APBB2: variants seen among roughly 807,000 people sequenced by gnomAD.
The protein encoded by APBB2 is amyloid beta precursor protein binding family B member 2.
A neutral mutation model predicts 82.5 loss-of-function variants in APBB2; 38 were observed. The observed-to-expected ratio is 0.46, with a 90% CI of 0.36 to 0.60. The LOEUF is 0.60. Among genes scored for constraint, APBB2 ranks in the 20% least tolerant of loss-of-function variants. The probability of loss-of-function intolerance (pLI) is 0.00; values close to 1 mark genes in which losing one functional copy is unlikely to be tolerated. For missense variants in APBB2, 772 were observed against 972.3 expected (o/e 0.79, Z 2.74); for synonymous variants, 341 against 368.2 (o/e 0.93, Z 0.85).
At chr4:40,967,113 C>T (rs984268341) in intron 6 of APBB2, among the ~76,000 whole-genome samples, 32 of 152,126 alleles carry the variant, frequency 2.1e-4, no homozygotes, top group Non-Finnish European at 4.6e-4. Context: ...GGCGCTAACC[C>T]AGTGGGTTTC....
Position 40,823,664 on chromosome 4 carries a change from C to G in APBB2, c.1912G>C (p.Val638Leu), listed in dbSNP as rs1437661276. The G allele has an allele frequency of 6.2e-7, 1 of 1,612,598 alleles. No homozygotes were observed. The highest frequency in any genetic ancestry group is 8.5e-7 in the Non-Finnish European group (1 of 1,178,676). Residue 638 changes from valine (V) to leucine (L), a missense_variant, in exon 16 of 18, where the codon GTG becomes CTG. Transcript: ENST00000508593. ...CTCACCTTTTCACTGATGACAGTCACAGTGGCATCAGCCACGTTCATGTTC... is the reference window on the plus strand; with the variant it reads ...CTCACCTTTTCACTGATGACAGTCAGAGTGGCATCAGCCACGTTCATGTTC... ...SVNMNVADAT[V>L]TVISEKNEEE...
chr4:41,131,105 G>T (rs1755847934), intron 2 of APBB2, among the ~76,000 whole-genome samples: 1 of 152,108 alleles, frequency 6.6e-6, no homozygotes, highest in Admixed American at 6.6e-5. Context: ...AAAGTATGGG[G>T]GCATTCACAA....
At position 40,965,990 on chromosome 4, in the gene APBB2, A is replaced by G. The variant is rs889877569; in HGVS notation, c.836-20917T>C. The stretch of plus-strand genomic sequence containing the variant: ...CTCTAGAATTAATGCTGTTCTTTAG[A>G]AATTCAAGTCCAATCCTTGAAACTA... On this transcript the variant is annotated intron_variant, in intron 6 of 17. Transcript: ENST00000508593. 9.2e-5 allele frequency among the ~76,000 whole-genome samples: 14 copies of G among 152,362 alleles called. No homozygotes were observed. The East Asian group carries it at 2.5e-3, about 27-fold the overall frequency.
At chr4:41,181,237 G>C (rs1344073468) in intron 1 of APBB2, among the ~76,000 whole-genome samples, 4 of 152,144 alleles carry the variant, frequency 2.6e-5, no homozygotes, top group African/African-American at 4.8e-5. Flanking sequence ...TGGGGAGTTG[G>C]GGAAGTTGCC....
At chr4:41,198,697 C>G in intron 1 of APBB2, among the ~76,000 whole-genome samples, 2 of 152,114 alleles carry the variant, frequency 1.3e-5, no homozygotes, top group African/African-American at 4.8e-5. Context: ...CTTAAAACAA[C>G]CAAAATTTAT....
chr4:40,864,871 T>G (rs1763679340), intron 12 of APBB2, among the ~76,000 whole-genome samples: 1 of 148,636 alleles, frequency 6.7e-6, no homozygotes. Flanking sequence ...TTTTTTTTTT[T>G]TTTTAGAGAC....
chr4:41,139,861 T>A (rs148417809), intron 2 of APBB2, among the ~76,000 whole-genome samples: 3 of 152,156 alleles, frequency 2.0e-5, no homozygotes, highest in Admixed American at 2.0e-4. Flanking sequence ...TGAAAGCTCA[T>A]AGAACATACA....
At chr4:40,847,383 A>G (rs944477740) in intron 12 of APBB2, among the ~76,000 whole-genome samples, 6 of 152,166 alleles carry the variant, frequency 3.9e-5, no homozygotes, top group Admixed American at 3.9e-4. Flanking sequence ...AATCACTGCA[A>G]CCCGGGAGGT....
At chr4:40,935,242 T>C in intron 7 of APBB2, 103 bp from the exon 8 acceptor site, 1 of 845,512 alleles carries the variant, frequency 1.2e-6, no homozygotes, top group Non-Finnish European at 1.8e-6. Flanking sequence ...AGCATTGATA[T>C]TCACAAGATG....
intron 6 of APBB2, among the ~76,000 whole-genome samples, chr4:40,991,678 C>G (rs1296076263): frequency 6.6e-6 from 1 of 152,116 alleles, no homozygotes; most frequent in South Asian, 2.1e-4. Flanking sequence ...ACACCCTAGA[C>G]TTTTCACCCC....
At chr4:40,993,105 G>A (rs961890652) in intron 6 of APBB2, among the ~76,000 whole-genome samples, 1 of 152,198 alleles carries the variant, frequency 6.6e-6, no homozygotes, top group Middle Eastern at 3.4e-3. Flanking sequence ...CACATGTCTT[G>A]TTTCAGTTAA....
At chr4:41,097,111 G>A (rs1315379963) in intron 3 of APBB2, among the ~76,000 whole-genome samples, 1 of 152,176 alleles carries the variant, frequency 6.6e-6, no homozygotes, top group Non-Finnish European at 1.5e-5. Flanking sequence ...GCTATTTGGA[G>A]TTTCTTTGGA....
rs1784932998 is a variant in APBB2 at position 40,934,512 on chromosome 4, C to G, written c.1198G>C (p.Ala400Pro). The G allele has an allele frequency of 1.9e-6, 3 of 1,614,110 alleles. No homozygotes were observed. The highest frequency in any genetic ancestry group is 2.7e-5 in the African/African-American group (2 of 75,032). The change falls in exon 10 of 18, where the codon GCC becomes CCC. Residue 400 changes from alanine (A) to proline (P), a missense_variant. Transcript: ENST00000508593. ...GAATCATCATCATCAGGGTGTGGGG[C>G]ATTTCTAGGCAGAAAAACAGAAAAG... ...LRYASLKLRN[A>P]PHPDDDDSCS...
At chr4:41,073,418 C>T (rs1444431863) in intron 3 of APBB2, among the ~76,000 whole-genome samples, 2 of 152,148 alleles carry the variant, frequency 1.3e-5, no homozygotes, top group Admixed American at 6.5e-5. Flanking sequence ...TGTGATTTAG[C>T]AGTTTACAAG....
intron 2 of APBB2, among the ~76,000 whole-genome samples, chr4:41,123,071 C>T (rs935752865): frequency 1.3e-5 from 2 of 152,156 alleles, no homozygotes; most frequent in African/African-American, 4.8e-5. Flanking sequence ...TGGCCCAGCA[C>T]CACATCTCCA....
rs116412306 is a variant in APBB2, at chr4:40,993,177, G to A, written c.835+20406C>T. On this transcript the variant is annotated intron_variant, in intron 6 of 17. Coordinates refer to ENST00000508593, the MANE Select transcript of APBB2 (RefSeq NM_004307.2). Reference sequence around the variant, plus strand: ...AACCCTATTTGACAGAGGAGGAAACGTATGGTGTTAAGTGACTCAGCCACA... The same window carrying A: ...AACCCTATTTGACAGAGGAGGAAACATATGGTGTTAAGTGACTCAGCCACA... Among the ~76,000 whole-genome samples the A allele has an allele frequency of 8.3e-3, 1,256 of 152,224 alleles. 22 individuals carry two copies. The highest frequency in any genetic ancestry group is 0.028 in the African/African-American group (1,171 of 41,522).
chr4:40,961,835 G>A (rs946767206), intron 6 of APBB2, among the ~76,000 whole-genome samples: 3 of 152,070 alleles, frequency 2.0e-5, no homozygotes, highest in Non-Finnish European at 4.4e-5. Flanking sequence ...TCATTTCCAA[G>A]TATTGTCAAA....
rs1302007677 is a variant in APBB2 at position 40,856,897 on chromosome 4, C to CT, written c.1530-26321_1530-26320insA. 6.2e-4 allele frequency: 596 copies of CT among 960,808 alleles called. 2 individuals carry two copies. The African/African-American group carries it at 9.9e-3, about 16-fold the overall frequency. 59.5% of individuals were successfully genotyped at this position (960,808 alleles called of 1,614,324 possible). On this transcript the variant is annotated intron_variant, in intron 12 of 17. Transcript: ENST00000508593. ...AAGCGCTGACTCGGGGAAGGGAGGG[C>CT]GCAGCCTTTGTCCCGCAGGTCTCCC...
intron 12 of APBB2, among the ~76,000 whole-genome samples, chr4:40,878,353 C>T (rs1222659613): frequency 3.9e-5 from 6 of 151,934 alleles, no homozygotes; most frequent in Admixed American, 1.3e-4. Context: ...AAATACCAAA[C>T]CAAACCAAAA....
Sources: gnomAD v4.1 joint callset for allele counts (sites outside exome capture counted in the v4.1 genomes callset) on GRCh38, gnomAD v4.1.1 for gene constraint, MANE v1.5 for transcripts, NCBI Gene and HGNC (gene_info 2026-07-23, HGNC 2026-07-21) for gene names.